The following BCAS3 variants were observed in gnomAD, a reference collection of about 807,000 sequenced individuals.
BCAS3 encodes BCAS4/BCAS3 fusion.
In BCAS3, 53 loss-of-function variants were observed where a neutral mutation model predicts 116.1. The observed-to-expected ratio is 0.46, with a 90% confidence interval of 0.37 to 0.57. The LOEUF (loss-of-function observed/expected upper bound fraction) is 0.57. Ranked by LOEUF, BCAS3 falls within the 20% of genes least tolerant of loss-of-function variation. BCAS3 has a pLI of 0.00. For synonymous variants in BCAS3, 391 were observed against 408.2 expected, an observed-to-expected ratio of 0.96 and a Z score of 0.51; for missense variants, 917 against 1,165.4, an observed-to-expected ratio of 0.79 and a Z score of 3.10.
chr17:60,825,049 C>T (rs1300751282), intron 7 of BCAS3, among the ~76,000 whole-genome samples: 1 of 151,858 alleles, frequency 6.6e-6, no homozygotes, highest in Non-Finnish European at 1.5e-5. Flanking sequence ...ATCTATAGTC[C>T]TAGCTACGTG....
intron 22 of BCAS3, among the ~76,000 whole-genome samples, chr17:61,295,954 C>CAAA (rs11332478): frequency 1.3e-5 from 1 of 79,934 alleles, no homozygotes; most frequent in East Asian, 4.1e-4. Flanking sequence ...GACTCCGTCT[C>CAAA]AAAAAAAAAA....
intron 16 of BCAS3, among the ~76,000 whole-genome samples, 165 bp downstream of exon 16, chr17:61,016,066 G>A (rs558569572): frequency 9.9e-5 from 15 of 152,276 alleles, no homozygotes; most frequent in African/African-American, 3.6e-4. Context: ...ACTTGCACAA[G>A]CATACTTGCA....
chr17:60,832,933 A>G, intron 7 of BCAS3, among the ~76,000 whole-genome samples: 1 of 152,240 alleles, frequency 6.6e-6, no homozygotes, highest in East Asian at 1.9e-4. Context: ...AATAAAAAGA[A>G]TTAGTTCTCT....
chr17:60,973,586 A>AATATATATATATATATATATATATAT (rs34671111), intron 14 of BCAS3, among the ~76,000 whole-genome samples: 2 of 137,974 alleles, frequency 1.4e-5, no homozygotes, highest in African/African-American at 5.7e-5. Context: ...CCTTATTATT[A>AATATATATATATATATATATATATAT]ATATATATAT....
chr17:60,976,020 C>CTT (rs755966067), intron 14 of BCAS3, among the ~76,000 whole-genome samples: 2 of 98,286 alleles, frequency 2.0e-5, no homozygotes, highest in African/African-American at 4.2e-5. Context: ...TAGATTTTTG[C>CTT]TTTTTTTTTT....
At chr17:60,888,581 C>T (rs749185580) in intron 9 of BCAS3, among the ~76,000 whole-genome samples, 2 of 152,050 alleles carry the variant, frequency 1.3e-5, no homozygotes, top group Non-Finnish European at 2.9e-5. Flanking sequence ...ATTTATATTA[C>T]AGTATGTTGT....
chr17:60,784,494 G>A (rs1568244214), intron 6 of BCAS3, among the ~76,000 whole-genome samples: 1 of 151,022 alleles, frequency 6.6e-6, no homozygotes, highest in Admixed American at 6.6e-5. Context: ...TAGTAGAGAC[G>A]GGGTTTTACC....
intron 14 of BCAS3, among the ~76,000 whole-genome samples, chr17:60,950,608 C>CT (rs1413325958): frequency 6.6e-6 from 1 of 152,126 alleles, no homozygotes; most frequent in Non-Finnish European, 1.5e-5. Flanking sequence ...TGCCTTGTAA[C>CT]TAATTTTTTA....
At chr17:60,744,699 C>T (rs187810119) in intron 5 of BCAS3, among the ~76,000 whole-genome samples, 1 of 151,794 alleles carries the variant, frequency 6.6e-6, no homozygotes, top group Non-Finnish European at 1.5e-5. Flanking sequence ...TCTGCTCCCC[C>T]CAACCCCCAC....
intron 10 of BCAS3, among the ~76,000 whole-genome samples, chr17:60,898,426 G>C (rs998941060): frequency 3.3e-5 from 5 of 152,034 alleles, no homozygotes; most frequent in African/African-American, 1.2e-4. Flanking sequence ...CTTGATTCTG[G>C]GTGTGTGCGG....
At chr17:60,849,908 G>A (rs1380093252) in intron 7 of BCAS3, among the ~76,000 whole-genome samples, 1 of 152,140 alleles carries the variant, frequency 6.6e-6, no homozygotes, top group African/African-American at 2.4e-5. Flanking sequence ...CTACAGGCGT[G>A]CTACCGTGCC....
chr17:60,738,073 CT>C (rs2041156989), intron 5 of BCAS3, among the ~76,000 whole-genome samples: 1 of 152,376 alleles, frequency 6.6e-6, no homozygotes, highest in East Asian at 1.9e-4. Context: ...GCGTGAGCCA[CT>C]GTGCCCAGCC....
intron 13 of BCAS3, among the ~76,000 whole-genome samples, chr17:60,934,340 A>AACTCATG (rs896316456): frequency 6.6e-6 from 1 of 152,206 alleles, no homozygotes; most frequent in African/African-American, 2.4e-5. Flanking sequence ...ATAGTGAATG[A>AACTCATG]ACTCATGGAA....
At chr17:61,164,192 AT>A (rs1159899074) in intron 22 of BCAS3, among the ~76,000 whole-genome samples, 1 of 151,822 alleles carries the variant, frequency 6.6e-6, no homozygotes, top group African/African-American at 2.4e-5. Context: ...GTGTGTAGTA[AT>A]TCCGAATCAA....
In BCAS3 at chr17:61,286,598, CAG is replaced by C; in HGVS notation, c.2426-81728_2426-81727del. 1.3e-5 allele frequency among the ~76,000 whole-genome samples: 2 copies of C among 152,258 alleles called. No individual in the cohort carries two copies. Among genetic ancestry groups the C allele is most frequent in the South Asian group, 4.2e-4 (2 of 4,814 alleles). Reference sequence around the variant, plus strand: ...TTTTCACACCAGCAGAGAGTGCTAACAGTGTGCCAGGATCTGTGGGCACGCTG... The same window carrying C: ...TTTTCACACCAGCAGAGAGTGCTAACTGTGCCAGGATCTGTGGGCACGCTG... On this transcript the variant is annotated intron_variant, in intron 22 of 23. Transcript: ENST00000407086. The surrounding 1 kb of genome is among the most constrained non-coding windows in gnomAD (Gnocchi z 4.8).
At chr17:60,887,823 A>G (rs1318487565) in intron 9 of BCAS3, among the ~76,000 whole-genome samples, 3 of 152,182 alleles carry the variant, frequency 2.0e-5, no homozygotes, top group Admixed American at 1.3e-4. Flanking sequence ...GGAGGATGCC[A>G]TCTAAAATTG....
chr17:61,145,930 G>A lies in BCAS3; in HGVS notation c.2425+61366G>A, dbSNP rs563591778. ...TGCAGAGACTGCCAAACCTTCCATT[G>A]CCGCTTCCAAGATACTCCTGGAATC... is the stretch of plus-strand genomic sequence containing the variant. On this transcript the variant is annotated intron_variant, in intron 22 of 23. Transcript: ENST00000407086. The surrounding 1 kb of genome is among the most constrained non-coding windows in gnomAD (Gnocchi z 5.0). Among the ~76,000 whole-genome samples, 1 of 151,628 alleles carries A rather than the reference G, an allele frequency of 6.6e-6. No individual in the cohort carries two copies. The highest frequency in any genetic ancestry group is 2.4e-5 in the African/African-American group (1 of 41,298).
rs117313534 is a variant in BCAS3, at chr17:60,760,540, A to G, written c.403+13261A>G. Among the ~76,000 whole-genome samples, 930 of 151,058 alleles carry G rather than the reference A, an allele frequency of 6.2e-3. 6 individuals are homozygous for G. Among genetic ancestry groups the G allele is most frequent in the Middle Eastern group, 0.038 (11 of 292 alleles). ...TTTAGCACTTGCAATATGTCATTCA[A>G]TTCTCTCCAGGCCTGTAGCTTTCTG... is the stretch of plus-strand genomic sequence containing the variant. On this transcript the variant is annotated intron_variant, in intron 6 of 23. Coordinates refer to ENST00000407086, the MANE Select transcript of BCAS3 (RefSeq NM_017679.5).
chr17:60,942,307 G>T (rs2060264609), intron 13 of BCAS3, among the ~76,000 whole-genome samples: 1 of 152,062 alleles, frequency 6.6e-6, no homozygotes, highest in Non-Finnish European at 1.5e-5. Flanking sequence ...GGCGCCTGTG[G>T]TCCCAGCTAC....
Sources: gnomAD v4.1 joint callset for allele counts (sites outside exome capture counted in the v4.1 genomes callset) on GRCh38, gnomAD v4.1.1 for gene constraint, Gnocchi (gnomAD v3.1) non-coding constraint, MANE v1.5 for transcripts, NCBI Gene and HGNC (gene_info 2026-07-23, HGNC 2026-07-21) for gene names.